CAMK1D: variants seen among roughly 807,000 people sequenced by gnomAD.
CAMK1D encodes calcium/calmodulin-dependent protein kinase type 1D.
In CAMK1D, 9 loss-of-function variants were observed where a neutral mutation model predicts 47.7. The ratio of observed to expected loss-of-function variants is 0.19; its 90% CI spans 0.11 to 0.33. The LOEUF is 0.33. Ranked by LOEUF, CAMK1D falls within the 10% of genes least tolerant of loss-of-function variation. CAMK1D has a pLI of 1.00. For missense variants in CAMK1D, 291 were observed against 488.7 expected (o/e 0.60, Z 3.81); for synonymous variants, 184 against 184.9 (o/e 0.99, Z 0.04).
At chr10:12,424,701 C>T (rs1193062141) in intron 1 of CAMK1D, among the ~76,000 whole-genome samples, 3 of 152,144 alleles carry the variant, frequency 2.0e-5, no homozygotes, top group East Asian at 1.9e-4. Context: ...CCCAGCACTT[C>T]GGGAGGCTGA....
At chr10:12,821,341 C>T (rs1415595490) in intron 8 of CAMK1D, among the ~76,000 whole-genome samples, 1 of 152,180 alleles carries the variant, frequency 6.6e-6, no homozygotes, top group Non-Finnish European at 1.5e-5. Flanking sequence ...CGTGGCCTAG[C>T]CAAGTAGCCA....
intron 2 of CAMK1D, among the ~76,000 whole-genome samples, chr10:12,600,246 A>G (rs1198508692): frequency 2.6e-5 from 4 of 152,364 alleles, no homozygotes; most frequent in Admixed American, 6.5e-5. Flanking sequence ...CGCTTCTTAC[A>G]TGGGAAGCTG....
At chr10:12,714,826 C>G (rs1288297794) in intron 3 of CAMK1D, among the ~76,000 whole-genome samples, 2 of 147,584 alleles carry the variant, frequency 1.4e-5, no homozygotes, top group Non-Finnish European at 3.0e-5. Flanking sequence ...TATCCCTGGT[C>G]TTTTAGTTAC....
At chr10:12,577,833 G>C (rs937651158) in intron 2 of CAMK1D, among the ~76,000 whole-genome samples, 7 of 152,150 alleles carry the variant, frequency 4.6e-5, no homozygotes, top group African/African-American at 1.7e-4. Flanking sequence ...CACCCACGTG[G>C]TGTCCTCCTT....
chr10:12,711,698 G>A (rs982825444), intron 3 of CAMK1D, among the ~76,000 whole-genome samples: 2 of 152,130 alleles, frequency 1.3e-5, no homozygotes, highest in African/African-American at 4.8e-5. Context: ...GCTCTGGCCC[G>A]GAGCCGGAGT....
chr10:12,610,580 G>T (rs998515734), intron 2 of CAMK1D, among the ~76,000 whole-genome samples: 1 of 152,126 alleles, frequency 6.6e-6, no homozygotes. Flanking sequence ...AGCCTTGTGG[G>T]GTTTATCACT....
chr10:12,402,153 G>T (rs896716525), intron 1 of CAMK1D, among the ~76,000 whole-genome samples: 1 of 151,972 alleles, frequency 6.6e-6, no homozygotes, highest in Admixed American at 6.6e-5. Flanking sequence ...TGTTGGCCAG[G>T]CTGGTCTCGA....
intron 3 of CAMK1D, among the ~76,000 whole-genome samples, chr10:12,747,357 G>A (rs1028570677): frequency 6.6e-6 from 1 of 152,202 alleles, no homozygotes; most frequent in Non-Finnish European, 1.5e-5. Flanking sequence ...TCAGGCTGGA[G>A]TGGAGTGCTG....
At chr10:12,593,083 A>C (rs1270531438) in intron 2 of CAMK1D, among the ~76,000 whole-genome samples, 1 of 152,248 alleles carries the variant, frequency 6.6e-6, no homozygotes. Context: ...TTTGCAGGCC[A>C]TATAGGCAAC....
chr10:12,626,213 AT>A lies in CAMK1D; in HGVS notation c.225-40520del, dbSNP rs1839208936. Among the ~76,000 whole-genome samples, 3 of 152,120 alleles carry A rather than the reference AT, an allele frequency of 2.0e-5. No individual in the cohort carries two copies. The South Asian group carries it at 6.3e-4, about 32-fold the overall frequency. On this transcript the variant is annotated intron_variant, in intron 2 of 10. Transcript: ENST00000619168. ...TACGACACCAAAACTATCTTTTTGC[AT>A]TTAACAATACAAATAACATTAACAA...
chr10:12,641,124 A>G (rs1839653799), intron 2 of CAMK1D, among the ~76,000 whole-genome samples: 1 of 151,956 alleles, frequency 6.6e-6, no homozygotes, highest in Non-Finnish European at 1.5e-5. Flanking sequence ...AATGTGCCAC[A>G]TGCCCTGCTA....
chr10:12,357,708 C>G (rs1262710241), intron 1 of CAMK1D, among the ~76,000 whole-genome samples: 1 of 152,126 alleles, frequency 6.6e-6, no homozygotes, highest in Non-Finnish European at 1.5e-5. Flanking sequence ...TTTCCTGATG[C>G]AAGATGGTCA....
At chr10:12,820,954 G>A (rs1393361493) in intron 8 of CAMK1D, among the ~76,000 whole-genome samples, 7 of 152,252 alleles carry the variant, frequency 4.6e-5, no homozygotes, top group Admixed American at 4.6e-4. Context: ...GTGGTTCTGA[G>A]CATTCATCTC....
At chr10:12,462,922 A>C (rs1459945092) in intron 1 of CAMK1D, among the ~76,000 whole-genome samples, 1 of 152,190 alleles carries the variant, frequency 6.6e-6, no homozygotes, top group Non-Finnish European at 1.5e-5. Flanking sequence ...GGTGTTAGTG[A>C]GAATAGCTTG....
intron 2 of CAMK1D, among the ~76,000 whole-genome samples, chr10:12,662,610 C>T (rs1260612406): frequency 1.3e-5 from 2 of 150,360 alleles, no homozygotes; most frequent in Non-Finnish European, 3.0e-5. Context: ...CGAGATTGCA[C>T]CACTGCACTC....
chr10:12,592,924 C>A (rs959860748), intron 2 of CAMK1D, among the ~76,000 whole-genome samples: 7 of 152,312 alleles, frequency 4.6e-5, no homozygotes, highest in African/African-American at 1.7e-4. Flanking sequence ...CTGGCTCCCT[C>A]CTCTTCATCT....
At chr10:12,664,105 G>C (rs945732235) in intron 2 of CAMK1D, among the ~76,000 whole-genome samples, 9 of 152,090 alleles carry the variant, frequency 5.9e-5, no homozygotes, top group African/African-American at 2.2e-4. Flanking sequence ...ACCCATTCAG[G>C]GCTCTGCTTT....
At chr10:12,572,530 T>C (rs2132318435) in intron 2 of CAMK1D, among the ~76,000 whole-genome samples, 1 of 152,254 alleles carries the variant, frequency 6.6e-6, no homozygotes, top group South Asian at 2.1e-4. Flanking sequence ...GGGGATGGAT[T>C]AGGCAGTTTC....
intron 1 of CAMK1D, among the ~76,000 whole-genome samples, chr10:12,387,380 AT>A (rs1564306823): frequency 6.3e-5 from 2 of 31,838 alleles, no homozygotes; most frequent in South Asian, 2.3e-3. Flanking sequence ...TATATTATAT[AT>A]TATATATATT....
Sources: gnomAD v4.1 joint callset for allele counts (sites outside exome capture counted in the v4.1 genomes callset) on GRCh38, gnomAD v4.1.1 for gene constraint, MANE v1.5 for transcripts, NCBI Gene and HGNC (gene_info 2026-07-23, HGNC 2026-07-21) for gene names.